Variants in SLC5A5 observed in about 807,000 individuals in gnomAD.
SLC5A5 encodes solute carrier family 5 member 5.
A neutral mutation model predicts 68.6 loss-of-function variants in SLC5A5; 56 were observed. That is an observed-to-expected ratio of 0.82 (90% confidence interval 0.66 to 1.02). The LOEUF is 1.02. Ranked by LOEUF, SLC5A5 falls within the 50% of genes least tolerant of loss-of-function variation. SLC5A5 has a pLI of 0.00. For missense variants in SLC5A5, 807 were observed against 859.8 expected, an observed-to-expected ratio of 0.94 and a Z score of 0.77; for synonymous variants, 398 against 373.0, an observed-to-expected ratio of 1.07 and a Z score of -0.77.
Position 17,874,727 on chromosome 19 carries a change from CTGTG to C in SLC5A5, c.540_543del (p.Val181AlafsTer3). 2 of 1,613,980 alleles carry C rather than the reference CTGTG, an allele frequency of 1.2e-6. No individual in the cohort carries two copies. The highest frequency in any genetic ancestry group is 2.7e-5 in the African/African-American group (2 of 74,936). On this transcript the variant is annotated frameshift_variant and splice_region_variant, in exon 4 of 15. Coordinates refer to ENST00000222248, the MANE Select transcript of SLC5A5 (RefSeq NM_000453.3). LOFTEE classifies it high-confidence loss of function. ...GGAATTATCTGCACCTTCTACACGG[CTGTG>C]GTGAGTGGCCCTGGGAACTCACTCC...
intron 12 of SLC5A5, 30 bp downstream of exon 12, chr19:17,884,076 C>G (rs532494380): frequency 6.6e-7 from 1 of 1,522,186 alleles, no homozygotes; most frequent in South Asian, 1.2e-5. Flanking sequence ...GGGGGGTACC[C>G]GAGCCCTGGA....
In SLC5A5 at chr19:17,888,616, T is replaced by TCA. The variant is rs1237247524; in HGVS notation, c.1651+161_1651+162insCA. Among the ~76,000 whole-genome samples the TCA allele has an allele frequency of 1.7e-4, 22 of 131,110 alleles. 1 individual carries two copies. Among genetic ancestry groups the TCA allele is most frequent in the Admixed American group, 5.0e-4 (7 of 13,900 alleles). The allele number at this position is 131,110 out of a possible 152,430, so 86.0% of individuals were successfully genotyped here. The stretch of plus-strand genomic sequence containing the variant: ...ATTATTATTATTATTATTATTATTA[T>TCA]TATCATCATCATCATCATCATCATC... On this transcript the variant is annotated intron_variant, in intron 13 of 14. Transcript: ENST00000222248.
In SLC5A5 at chr19:17,882,830, C is replaced by A. The variant is rs201337378; in HGVS notation, c.1242+611C>A. Reference sequence around the variant, plus strand: ...TCCCGAGTAGCTGGGACTACAAGCGCCCGCCACCACGCCTGACTAATTTTT... The same window carrying A: ...TCCCGAGTAGCTGGGACTACAAGCGACCGCCACCACGCCTGACTAATTTTT... On this transcript the variant is annotated intron_variant, in intron 10 of 14. Transcript: ENST00000222248. Among the ~76,000 whole-genome samples, 33 of 152,218 alleles carry A rather than the reference C, an allele frequency of 2.2e-4. No individual in the cohort carries two copies. In the East Asian group the frequency reaches 6.2e-3, roughly 29 times the overall value.
chr19:17,877,305 A>G (rs1326219703), intron 5 of SLC5A5, among the ~76,000 whole-genome samples: 3 of 151,614 alleles, frequency 2.0e-5, no homozygotes, highest in African/African-American at 7.3e-5. Flanking sequence ...TTTATTTTTA[A>G]TTTAATTAAT....
Position 17,883,798 on chromosome 19 carries a change from G to A in SLC5A5, c.1329+31G>A, listed in dbSNP as rs745345673. On this transcript the variant is annotated intron_variant, in intron 11 of 14. Transcript: ENST00000222248. ...TGGGGGCGGGGCAAGGGGCGGGGAG[G>A]GGCGGGGCCGGACAGGCCCCTCCCC... The A allele has an allele frequency of 7.1e-5, 114 of 1,606,448 alleles. 1 individual carries two copies. Among genetic ancestry groups the A allele is most frequent in the Non-Finnish European group, 8.0e-5 (94 of 1,176,370 alleles).
intron 8 of SLC5A5, 40 bp from the exon 9 acceptor site, chr19:17,881,920 C>T (rs1421922822): frequency 3.4e-6 from 5 of 1,490,820 alleles, no homozygotes; most frequent in Non-Finnish European, 4.7e-6. Context: ...GACGGTCTCT[C>T]CATATGGCCT....
chr19:17,881,866 C>G, intron 8 of SLC5A5, 94 bp from the exon 9 acceptor site: 1 of 903,636 alleles, frequency 1.1e-6, no homozygotes, highest in Non-Finnish European at 1.8e-6. Flanking sequence ...TTACCCCCAC[C>G]GTTGCCCTCA....
Position 17,878,109 on chromosome 19 carries a change from G to C in SLC5A5, c.969+16G>C. ...CCCAGACCAGGTGAGTCCCACCCAG[G>C]CTCCTGGTTGGCTCTGCACTCCCTC... On this transcript the variant is annotated intron_variant, in intron 7 of 14. Coordinates refer to ENST00000222248, the MANE Select transcript of SLC5A5 (RefSeq NM_000453.3). 6.2e-7 allele frequency: 1 copy of C among 1,608,780 alleles called. No homozygotes were observed. The highest frequency in any genetic ancestry group is 8.5e-7 in the Non-Finnish European group (1 of 1,179,906).
intron 7 of SLC5A5, among the ~76,000 whole-genome samples, chr19:17,878,978 AAAAAAAAAAAC>A (rs1230101537): frequency 6.8e-6 from 1 of 147,606 alleles, no homozygotes; most frequent in East Asian, 2.0e-4. Context: ...CCATCTCAAA[AAAAAAAAAAAC>A]AAAAAAAAAA....
chr19:17,874,413 G>A, intron 2 of SLC5A5, 81 bp from the exon 3 acceptor site: 1 of 1,388,968 alleles, frequency 7.2e-7, no homozygotes, highest in South Asian at 1.2e-5. Flanking sequence ...CATATTCTGG[G>A]ACCACCCTTC....
At position 17,872,625 on chromosome 19, in the gene SLC5A5, C is replaced by T. The variant is rs896002869; in HGVS notation, c.306C>T (p.Ala102=). 1 of 1,611,728 alleles carries T rather than the reference C, an allele frequency of 6.2e-7. No homozygotes were observed. The highest frequency in any genetic ancestry group is 1.1e-5 in the South Asian group (1 of 91,080). ...LGQLLNSVLT[A]LLFMPVFYRL... ...AGCTTCTGAACTCGGTCCTCACCGC[C>T]CTGCTCTTCATGCCCGTCTTCTACC... The change falls in exon 1 of 15, where the codon GCC becomes GCT. Residue 102 remains alanine, a synonymous_variant. Coordinates refer to ENST00000222248, the MANE Select transcript of SLC5A5 (RefSeq NM_000453.3).
rs900757908 is a variant in SLC5A5 at position 17,893,837 on chromosome 19, G to T, written c.1892G>T (p.Gly631Val). The change falls in exon 15 of 15, where the codon GGA (glycine) becomes GTA (valine). Residue 631 changes from glycine to valine, a missense_variant. Physicochemically the swap from Gly to Val is moderately radical, Grantham distance 109. Transcript: ENST00000222248. The part of the protein sequence containing the change: ...EGAGSWTPCV[G>V]HDGGRDQQET... ...GCTGGCTCTTGGACCCCCTGTGTTG[G>T]ACATGATGGTGGTCGAGACCAGCAG... 1.3e-6 allele frequency: 2 copies of T among 1,592,616 alleles called. No individual in the cohort carries two copies. The highest frequency in any genetic ancestry group is 1.7e-6 in the Non-Finnish European group (2 of 1,167,944).
chr19:17,873,759 TC>T lies in SLC5A5; in HGVS notation c.358-372del, dbSNP rs199504176. 1.5e-3 allele frequency among the ~76,000 whole-genome samples: 224 copies of T among 151,898 alleles called. 3 individuals carry two copies. The highest frequency in any genetic ancestry group is 6.8e-3 in the Middle Eastern group (2 of 294). On this transcript the variant is annotated intron_variant, in intron 1 of 14. Coordinates refer to ENST00000222248, the MANE Select transcript of SLC5A5 (RefSeq NM_000453.3). ...CGACAGAGCGAGACTCCGTCCCCCC[TC>T]CCCCCCAAAAAAATCGTGACAGGTA...
Position 17,893,902 on chromosome 19 carries a change from C to T in SLC5A5, c.*25C>T, listed in dbSNP as rs2030304101. 6.4e-7 allele frequency: 1 copy of T among 1,551,838 alleles called. No individual in the cohort carries two copies. Among genetic ancestry groups the T allele is most frequent in the Non-Finnish European group, 8.7e-7 (1 of 1,146,470 alleles). On this transcript the variant is annotated 3_prime_UTR_variant, in exon 15 of 15. Coordinates refer to ENST00000222248, the MANE Select transcript of SLC5A5 (RefSeq NM_000453.3). Reference sequence around the variant, plus strand: ...AGGACAGGGCCAGCCGCGGGACTGACACCCTGGGATGGAACCTCAGGATGG... The same window carrying T: ...AGGACAGGGCCAGCCGCGGGACTGATACCCTGGGATGGAACCTCAGGATGG...
At chr19:17,891,473 T>C (rs1034034604) in intron 14 of SLC5A5, among the ~76,000 whole-genome samples, 5 of 152,182 alleles carry the variant, frequency 3.3e-5, no homozygotes, top group African/African-American at 9.7e-5. Context: ...CCCAAAGTGC[T>C]GGGATGACAG....
At chr19:17,889,462 GAGA>G in intron 13 of SLC5A5, among the ~76,000 whole-genome samples, 1 of 151,228 alleles carries the variant, frequency 6.6e-6, no homozygotes, top group Non-Finnish European at 1.5e-5. Context: ...GAGAGAGAGA[GAGA>G]AGGAGAGAAA....
chr19:17,888,587 C>CATTATT lies in SLC5A5; in HGVS notation c.1651+132_1651+133insATTATT, dbSNP rs1568425723. ...CCACTGTGTGCTGTACACATTTGTA[C>CATTATT]CTTATTATTATTATTATTATTATTA... On this transcript the variant is annotated intron_variant, in intron 13 of 14. Coordinates refer to ENST00000222248, the MANE Select transcript of SLC5A5 (RefSeq NM_000453.3). 263 of 572,700 alleles carry CATTATT rather than the reference C, an allele frequency of 4.6e-4. No homozygotes were observed. In the African/African-American group the frequency reaches 5.0e-3, roughly 11 times the overall value. 35.5% of individuals were successfully genotyped at this position (572,700 alleles called of 1,614,324 possible). A position where few individuals can be genotyped will look rare whatever the true frequency, so the allele number is the denominator to read the frequency against.
In SLC5A5 at chr19:17,874,677, C is replaced by T. The variant is rs1005011923; in HGVS notation, c.489C>T (p.Asp163=). Residue 163 remains aspartate (D), a synonymous_variant, in exon 4 of 15, where the codon GAC becomes GAT. Coordinates refer to ENST00000222248, the MANE Select transcript of SLC5A5 (RefSeq NM_000453.3). ...ALILNQVTGL[D]IWASLLSTGI... is the part of the protein sequence containing the mutation. ...CTTTTTGCATAGTGACCGGGCTGGACATCTGGGCGTCGCTCCTGTCCACCG... is the reference window on the plus strand; with the variant it reads ...CTTTTTGCATAGTGACCGGGCTGGATATCTGGGCGTCGCTCCTGTCCACCG... 9 of 1,614,058 alleles carry T rather than the reference C, an allele frequency of 5.6e-6. No individual in the cohort carries two copies. The highest frequency in any genetic ancestry group is 1.6e-4 in the Middle Eastern group (1 of 6,084).
rs756675861 is a variant in SLC5A5, at chr19:17,882,175, A to T, written c.1198A>T (p.Thr400Ser). 3 of 1,614,022 alleles carry T rather than the reference A, an allele frequency of 1.9e-6. No individual in the cohort carries two copies. In the East Asian group the frequency reaches 6.7e-5, roughly 36 times the overall value. Reference protein sequence around the residue: ...LSLIYGSACLTVAALSSLLGG... With the variant: ...LSLIYGSACLSVAALSSLLGG... ...ACTCATCTACGGATCGGCCTGTCTC[A>T]CCGTGGCAGCCCTGTCCTCACTGCT... Residue 400 changes from threonine (T) to serine (S), a missense_variant, in exon 10 of 15, where the codon ACC (threonine) becomes TCC (serine). By Grantham distance (58) the Thr-to-Ser change is moderately conservative. Transcript: ENST00000222248.
Sources: gnomAD v4.1 joint callset for allele counts (sites outside exome capture counted in the v4.1 genomes callset) on GRCh38, gnomAD v4.1.1 for gene constraint, MANE v1.5 for transcripts, NCBI Gene and HGNC (gene_info 2026-07-23, HGNC 2026-07-21) for gene names.